The following TTBK2 variants were observed in gnomAD, a reference collection of about 807,000 sequenced individuals.
The protein encoded by TTBK2 is tau-tubulin kinase 2.
Under a neutral mutation model 110.8 loss-of-function variants are expected in TTBK2, and 28 were observed. The observed-to-expected ratio is 0.25, with a 90% confidence interval of 0.19 to 0.35. The LOEUF is 0.35. Ranked by LOEUF, TTBK2 falls within the 10% of genes least tolerant of loss-of-function variation. TTBK2 has a pLI of 1.00. For synonymous variants in TTBK2, 532 were observed against 527.3 expected (o/e 1.01, Z -0.12); for missense variants, 1,369 against 1,500.3 (o/e 0.91, Z 1.45).
intron 1 of TTBK2, among the ~76,000 whole-genome samples, chr15:42,890,461 TA>T (rs1248062389): frequency 6.6e-6 from 1 of 152,242 alleles, no homozygotes; most frequent in Non-Finnish European, 1.5e-5. Context: ...TCTTCACCTG[TA>T]TCCTCATTTA....
At chr15:42,754,085 C>CTTTTTTTTTTTTTTT (rs68057465) in intron 13 of TTBK2, among the ~76,000 whole-genome samples, 1 of 132,230 alleles carries the variant, frequency 7.6e-6, no homozygotes, top group African/African-American at 3.0e-5. Flanking sequence ...CTAATGTTTT[C>CTTTTTTTTTTTTTTT]TTTTTTTTTT....
intron 13 of TTBK2, among the ~76,000 whole-genome samples, chr15:42,768,515 A>T (rs1409361888): frequency 2.0e-5 from 3 of 152,212 alleles, no homozygotes; most frequent in Non-Finnish European, 4.4e-5. Flanking sequence ...CACAACTGCT[A>T]CTAAGAGAAT....
At chr15:42,852,441 A>G (rs1893757189) in intron 3 of TTBK2, among the ~76,000 whole-genome samples, 1 of 152,214 alleles carries the variant, frequency 6.6e-6, no homozygotes, top group African/African-American at 2.4e-5. Context: ...AATGGGTATA[A>G]AGGGAAAAAG....
chr15:42,786,757 C>A (rs1168724000), intron 10 of TTBK2, among the ~76,000 whole-genome samples: 1 of 152,166 alleles, frequency 6.6e-6, no homozygotes, highest in African/African-American at 2.4e-5. Context: ...GTTCCTCTCC[C>A]ACCCAGACCC....
chr15:42,771,270 G>T (rs1309713343), intron 13 of TTBK2, among the ~76,000 whole-genome samples: 1 of 152,076 alleles, frequency 6.6e-6, no homozygotes, highest in Non-Finnish European at 1.5e-5. Context: ...ACCACGCCCG[G>T]CCTGAAGCAT....
At chr15:42,822,714 A>T (rs1892355404) in intron 6 of TTBK2, among the ~76,000 whole-genome samples, 1 of 152,222 alleles carries the variant, frequency 6.6e-6, no homozygotes, top group Non-Finnish European at 1.5e-5. Flanking sequence ...AAATATTTTT[A>T]AGCTGGAAAG....
At chr15:42,858,460 T>C (rs1442625531) in intron 3 of TTBK2, among the ~76,000 whole-genome samples, 2 of 152,206 alleles carry the variant, frequency 1.3e-5, no homozygotes, top group Non-Finnish European at 2.9e-5. Flanking sequence ...TTATTAAGAC[T>C]GAGCTGAGTT....
chr15:42,826,336 G>T (rs1054354289), intron 6 of TTBK2, among the ~76,000 whole-genome samples: 2 of 152,102 alleles, frequency 1.3e-5, no homozygotes, highest in Non-Finnish European at 2.9e-5. Context: ...GACAGGAGCT[G>T]AGACCAAATA....
chr15:42,831,004 C>CAA (rs199953624), intron 4 of TTBK2, among the ~76,000 whole-genome samples: 5 of 139,984 alleles, frequency 3.6e-5, no homozygotes, highest in Admixed American at 1.4e-4. Flanking sequence ...GACTCCATCT[C>CAA]AAAAAAAAAA....
chr15:42,896,324 C>A (rs920425415), intron 1 of TTBK2, among the ~76,000 whole-genome samples: 2 of 151,864 alleles, frequency 1.3e-5, no homozygotes, highest in African/African-American at 4.8e-5. Context: ...AAAACTCTGT[C>A]TCAAAACAAT....
intron 14 of TTBK2, among the ~76,000 whole-genome samples, chr15:42,746,796 C>T (rs2061799781): frequency 6.6e-6 from 1 of 151,842 alleles, no homozygotes; most frequent in Admixed American, 6.6e-5. Context: ...ACAGGAGGAA[C>T]TACAGATAAA....
At chr15:42,747,679 G>A (rs2061813891) in intron 14 of TTBK2, among the ~76,000 whole-genome samples, 1 of 152,186 alleles carries the variant, frequency 6.6e-6, no homozygotes, top group African/African-American at 2.4e-5. Context: ...GGGGTGGGGA[G>A]GGCCTGCTAT....
intron 1 of TTBK2, among the ~76,000 whole-genome samples, chr15:42,881,669 C>A (rs538108614): frequency 6.6e-6 from 1 of 151,878 alleles, no homozygotes; most frequent in East Asian, 1.9e-4. Context: ...GTCAGGAGTT[C>A]GAGACCAGCC....
At chr15:42,755,539 C>A (rs2061934506) in intron 13 of TTBK2, among the ~76,000 whole-genome samples, 1 of 152,132 alleles carries the variant, frequency 6.6e-6, no homozygotes, top group Non-Finnish European at 1.5e-5. Flanking sequence ...TGGAATAGCT[C>A]CCAAATGCAA....
intron 4 of TTBK2, among the ~76,000 whole-genome samples, chr15:42,839,528 C>T (rs916694062): frequency 2.6e-5 from 4 of 152,194 alleles, no homozygotes; most frequent in African/African-American, 9.6e-5. Context: ...CTCTAGACTG[C>T]TTTCCACAGT....
intron 1 of TTBK2, among the ~76,000 whole-genome samples, chr15:42,899,333 C>A (rs1363699689): frequency 6.6e-6 from 1 of 151,810 alleles, no homozygotes; most frequent in Non-Finnish European, 1.5e-5. Context: ...AAGTTTCTCA[C>A]ACCTGTAATC....
chr15:42,898,709 G>A (rs978511211), intron 1 of TTBK2, among the ~76,000 whole-genome samples: 12 of 152,276 alleles, frequency 7.9e-5, no homozygotes, highest in African/African-American at 2.9e-4. Flanking sequence ...AATGAGATGG[G>A]CAGTGAAAAA....
Position 42,738,739 on chromosome 15 carries a change from A to C in TTBK2, c.*7056T>G, listed in dbSNP as rs146959819. Reference sequence around the variant, plus strand: ...ATAATGGACTAAAAAGGAGCTTTTAATATTTTAATTTTATTACAGGAAAAC... The same window carrying C: ...ATAATGGACTAAAAAGGAGCTTTTACTATTTTAATTTTATTACAGGAAAAC... On this transcript the variant is annotated 3_prime_UTR_variant, in exon 15 of 15. Transcript: ENST00000267890. 3 of 152,316 alleles carry C rather than the reference A, an allele frequency of 2.0e-5. No homozygotes were observed. Among genetic ancestry groups the C allele is most frequent in the Admixed American group, 2.0e-4 (3 of 15,302 alleles). The allele number at this position is 152,316 out of a possible 1,614,324, so 9.4% of individuals were successfully genotyped here.
At chr15:42,885,896 G>A (rs1325874779) in intron 1 of TTBK2, among the ~76,000 whole-genome samples, 2 of 152,004 alleles carry the variant, frequency 1.3e-5, no homozygotes, top group South Asian at 2.1e-4. Flanking sequence ...CTGCAATACC[G>A]CTTGGCCCCA....
Sources: gnomAD v4.1 joint callset for allele counts (sites outside exome capture counted in the v4.1 genomes callset) on GRCh38, gnomAD v4.1.1 for gene constraint, MANE v1.5 for transcripts, NCBI Gene and HGNC (gene_info 2026-07-23, HGNC 2026-07-21) for gene names.